Variants in PTPN4 observed in about 807,000 individuals in gnomAD.
The protein encoded by PTPN4 is protein tyrosine phosphatase non-receptor type 4.
In PTPN4, 49 loss-of-function variants were observed where a neutral mutation model predicts 135.5. The observed-to-expected ratio is 0.36, with a 90% CI of 0.29 to 0.46. The LOEUF (loss-of-function observed/expected upper bound fraction) is 0.46, where lower values mean the gene tolerates loss of function less well. Ranked by LOEUF, PTPN4 falls within the 20% of genes least tolerant of loss-of-function variation. The pLI is 1.00. For synonymous variants in PTPN4, 333 were observed against 369.9 expected (o/e 0.90, Z 1.14); for missense variants, 860 against 1,101.0 (o/e 0.78, Z 3.10).
At chr2:119,947,082 C>A (rs1208213620) in intron 18 of PTPN4, among the ~76,000 whole-genome samples, 1 of 152,074 alleles carries the variant, frequency 6.6e-6, no homozygotes, top group African/African-American at 2.4e-5. Context: ...GTTCAGCTTC[C>A]ACAATCATGA....
At chr2:119,848,223 G>C (rs965566834) in intron 2 of PTPN4, among the ~76,000 whole-genome samples, 30 of 150,216 alleles carry the variant, frequency 2.0e-4, no homozygotes, top group African/African-American at 7.4e-4. Context: ...ACCCAGGCTG[G>C]AGTGCAGTGG....
chr2:119,932,685 A>G, intron 14 of PTPN4, 136 bp downstream of exon 14: 1 of 1,074,012 alleles, frequency 9.3e-7, no homozygotes, highest in African/African-American at 1.6e-5. Context: ...TTGTTGCTCC[A>G]GAGCATTATT....
At chr2:119,964,979 A>T (rs917523287) in intron 24 of PTPN4, among the ~76,000 whole-genome samples, 1 of 152,146 alleles carries the variant, frequency 6.6e-6, no homozygotes, top group Non-Finnish European at 1.5e-5. Context: ...GAGCAAGGAG[A>T]TGGGAGGAGA....
chr2:119,937,830 G>A (rs1282409881), intron 15 of PTPN4, among the ~76,000 whole-genome samples: 1 of 152,092 alleles, frequency 6.6e-6, no homozygotes, highest in African/African-American at 2.4e-5. Context: ...TACTCAGGAG[G>A]CTGAGGCAGA....
In PTPN4 at chr2:119,962,687, C is replaced by T. The variant is rs572758572; in HGVS notation, c.2352C>T (p.His784=). 19 of 1,590,200 alleles carry T rather than the reference C, an allele frequency of 1.2e-5. 1 individual carries two copies. In the South Asian group the frequency reaches 2.0e-4, roughly 17 times the overall value. ...ATGGATGCTACCAAGTTACCTGCCA[C>T]TCTGAAGAAGGAAACACTGCCTATA... ...SSYGCYQVTC[H]SEEGNTAYIF... The change falls in exon 24 of 27, where the codon CAC becomes CAT. Residue 784 remains histidine, a synonymous_variant. Transcript: ENST00000263708.
chr2:119,939,717 T>C (rs1679034534), intron 15 of PTPN4, among the ~76,000 whole-genome samples: 1 of 152,156 alleles, frequency 6.6e-6, no homozygotes, highest in Non-Finnish European at 1.5e-5. Flanking sequence ...TTCCTTTTGC[T>C]TGGTCTTCAA....
At chr2:119,828,018 T>G (rs977776487) in intron 2 of PTPN4, among the ~76,000 whole-genome samples, 8 of 152,204 alleles carry the variant, frequency 5.3e-5, no homozygotes, top group Admixed American at 3.9e-4. Flanking sequence ...AAGTTACCCT[T>G]TGTGGCTCCC....
chr2:119,792,980 G>A (rs916029303), intron 1 of PTPN4, among the ~76,000 whole-genome samples: 1 of 152,222 alleles, frequency 6.6e-6, no homozygotes, highest in Admixed American at 6.5e-5. Context: ...CAAGGCCAGG[G>A]TGAAACTGGG....
chr2:119,943,580 CTTTTTTTTTTTTTTTT>C (rs70949374), intron 15 of PTPN4, among the ~76,000 whole-genome samples: 1 of 79,918 alleles, frequency 1.3e-5, no homozygotes, highest in African/African-American at 5.0e-5. Flanking sequence ...TCATTTTTTT[CTTTTTTTTTTTTTTTT>C]TTTTTTTGAG....
intron 10 of PTPN4, among the ~76,000 whole-genome samples, chr2:119,907,268 A>G (rs955868854): frequency 4.6e-5 from 7 of 152,178 alleles, no homozygotes; most frequent in African/African-American, 7.2e-5. Flanking sequence ...TCAAAATATC[A>G]ATGACATTCT....
chr2:119,785,234 C>T (rs539713431), intron 1 of PTPN4, among the ~76,000 whole-genome samples: 4 of 152,282 alleles, frequency 2.6e-5, no homozygotes, highest in African/African-American at 9.6e-5. Flanking sequence ...CACTGCTCTA[C>T]ATTCGTGTTT....
chr2:119,780,477 GTTGTT>G (rs1690916350), intron 1 of PTPN4, among the ~76,000 whole-genome samples: 1 of 152,106 alleles, frequency 6.6e-6, no homozygotes, highest in South Asian at 2.1e-4. Context: ...ATTGCAGTAG[GTTGTT>G]TTATCTTTTT....
At chr2:119,908,744 G>A (rs1333466974) in intron 10 of PTPN4, among the ~76,000 whole-genome samples, 1 of 152,130 alleles carries the variant, frequency 6.6e-6, no homozygotes, top group African/African-American at 2.4e-5. Flanking sequence ...AGTGAGGAAG[G>A]CATGTCAAAG....
At chr2:119,952,424 ACT>A (rs1168166410) in intron 19 of PTPN4, among the ~76,000 whole-genome samples, 3 of 151,738 alleles carry the variant, frequency 2.0e-5, no homozygotes, top group Admixed American at 2.0e-4. Context: ...GTGCTGACAT[ACT>A]CTTTTTGATT....
In PTPN4 at chr2:119,978,163, A is replaced by C. The variant is rs950439386; in HGVS notation, c.*1093A>C. 7 of 152,194 alleles carry C rather than the reference A, an allele frequency of 4.6e-5. No individual in the cohort carries two copies. Among genetic ancestry groups the C allele is most frequent in the Admixed American group, 6.5e-5 (1 of 15,276 alleles). 9.4% of individuals were successfully genotyped at this position (152,194 alleles called of 1,614,324 possible). On this transcript the variant is annotated 3_prime_UTR_variant, in exon 27 of 27. Coordinates refer to ENST00000263708, the MANE Select transcript of PTPN4 (RefSeq NM_002830.4). ...TTTAAAAGATGCTTTTATGCTTCAA[A>C]TTTCATATTTATTTCATCCCTAACT... is the stretch of plus-strand genomic sequence containing the variant.
intron 2 of PTPN4, among the ~76,000 whole-genome samples, chr2:119,856,747 T>A (rs1481013638): frequency 6.6e-6 from 1 of 152,204 alleles, no homozygotes; most frequent in Non-Finnish European, 1.5e-5. Flanking sequence ...GTTTACTTCC[T>A]GTTAGTAACT....
chr2:119,965,025 G>A (rs1457501003), intron 24 of PTPN4, among the ~76,000 whole-genome samples: 1 of 152,142 alleles, frequency 6.6e-6, no homozygotes, highest in Non-Finnish European at 1.5e-5. Context: ...TGAGATCTGG[G>A]ATGGGGTTTT....
chr2:119,946,327 T>G lies in PTPN4; in HGVS notation c.1516-14T>G, dbSNP rs1679132351. ...TGAAGAAAATTACAAGTTATTTAAT[T>G]TTGTCTTTTTAAGCCTAATGGTGGT... On this transcript the variant is annotated splice_polypyrimidine_tract_variant and intron_variant, in intron 16 of 26. Transcript: ENST00000263708. The G allele has an allele frequency of 1.3e-6, 2 of 1,556,334 alleles. No homozygotes were observed. Among genetic ancestry groups the G allele is most frequent in the African/African-American group, 1.4e-5 (1 of 72,716 alleles).
intron 19 of PTPN4, among the ~76,000 whole-genome samples, chr2:119,954,231 G>T (rs1001992288): frequency 6.6e-6 from 1 of 152,036 alleles, no homozygotes; most frequent in Admixed American, 6.6e-5. Context: ...GATCTCTTAG[G>T]CAAGGGTAAA....
Sources: allele counts gnomAD v4.1 joint callset (sites outside exome capture counted in the v4.1 genomes callset), GRCh38; gene constraint gnomAD v4.1.1; transcripts MANE v1.5; gene names NCBI Gene and HGNC (gene_info 2026-07-23, HGNC 2026-07-21).